The following DOCK3 variants were observed in gnomAD, a reference collection of about 807,000 sequenced individuals.
The protein encoded by DOCK3 is dedicator of cytokinesis protein 3.
DOCK3 carries 60 observed loss-of-function variants against 265.6 expected under a neutral mutation model. The ratio of observed to expected loss-of-function variants is 0.23; its 90% confidence interval spans 0.18 to 0.28. The LOEUF (loss-of-function observed/expected upper bound fraction) is 0.28, where lower values mean the gene tolerates loss of function less well. Among genes scored for constraint, DOCK3 ranks in the 10% least tolerant of loss-of-function variants. DOCK3 has a pLI of 1.00. For synonymous variants in DOCK3, 881 were observed against 938.0 expected (o/e 0.94, Z 1.11); for missense variants, 1,981 against 2,594.3 (o/e 0.76, Z 5.14).
intron 1 of DOCK3, among the ~76,000 whole-genome samples, chr3:50,679,476 C>G (rs2034233194): frequency 6.6e-6 from 1 of 151,916 alleles, no homozygotes; most frequent in Non-Finnish European, 1.5e-5. Context: ...TTAGGTTTCT[C>G]CAGATAGGGA....
At chr3:50,957,640 G>T (rs1320928919) in intron 5 of DOCK3, among the ~76,000 whole-genome samples, 1 of 152,136 alleles carries the variant, frequency 6.6e-6, no homozygotes, top group Non-Finnish European at 1.5e-5. Flanking sequence ...TTATTTAGGC[G>T]AATAAGATTT....
chr3:50,956,162 A>G (rs538926001), intron 5 of DOCK3, among the ~76,000 whole-genome samples: 1 of 152,216 alleles, frequency 6.6e-6, no homozygotes, highest in East Asian at 1.9e-4. Flanking sequence ...GCATTCTGCC[A>G]TATATCAAGT....
At chr3:50,821,272 G>C (rs575205638) in intron 2 of DOCK3, among the ~76,000 whole-genome samples, 113 of 151,242 alleles carry the variant, frequency 7.5e-4, no homozygotes, top group African/African-American at 2.7e-3. Context: ...ATGCCGAGAA[G>C]GTATTTCCTA....
At chr3:50,784,024 C>T (rs368748823) in intron 2 of DOCK3, among the ~76,000 whole-genome samples, 2 of 152,078 alleles carry the variant, frequency 1.3e-5, no homozygotes, top group African/African-American at 2.4e-5. Context: ...CCTGCCACCA[C>T]GCCTGGCTAA....
intron 12 of DOCK3, among the ~76,000 whole-genome samples, chr3:51,204,535 T>A (rs1313558559): frequency 6.8e-6 from 1 of 147,714 alleles, no homozygotes; most frequent in Non-Finnish European, 1.5e-5. Flanking sequence ...GGAGAGGATG[T>A]GGAGAAATAG....
intron 27 of DOCK3, among the ~76,000 whole-genome samples, chr3:51,285,997 G>A (rs952428644): frequency 2.6e-5 from 4 of 152,136 alleles, no homozygotes; most frequent in African/African-American, 7.2e-5. Flanking sequence ...GAAAGAAAAC[G>A]CATCCAAATA....
intron 2 of DOCK3, among the ~76,000 whole-genome samples, chr3:50,783,646 G>A (rs2042036730): frequency 6.6e-6 from 1 of 152,012 alleles, no homozygotes; most frequent in Non-Finnish European, 1.5e-5. Context: ...CCCACTTTGT[G>A]GATTATCTGT....
intron 5 of DOCK3, among the ~76,000 whole-genome samples, chr3:50,988,293 C>T (rs765201215): frequency 6.6e-6 from 1 of 152,160 alleles, no homozygotes; most frequent in Non-Finnish European, 1.5e-5. Context: ...TTAAGCAGGT[C>T]CCAGATCCCA....
intron 27 of DOCK3, among the ~76,000 whole-genome samples, chr3:51,289,782 C>G (rs1307253568): frequency 2.0e-5 from 3 of 152,230 alleles, no homozygotes; most frequent in East Asian, 1.9e-4. Flanking sequence ...TTTTTGCAAT[C>G]TACTCATCTG....
intron 5 of DOCK3, among the ~76,000 whole-genome samples, chr3:50,970,831 A>T (rs2077178720): frequency 7.8e-6 from 1 of 127,802 alleles, no homozygotes; most frequent in African/African-American, 3.0e-5. Flanking sequence ...GGGTCAAGTG[A>T]TCCTTCAGCC....
chr3:50,803,895 C>T (rs2043226087), intron 2 of DOCK3, among the ~76,000 whole-genome samples: 2 of 151,614 alleles, frequency 1.3e-5, no homozygotes, highest in East Asian at 2.0e-4. Flanking sequence ...TGTCCCCCAC[C>T]TCCTGGAGGG....
Position 51,175,315 on chromosome 3 carries a change from C to T in DOCK3, c.1037+14613C>T, listed in dbSNP as rs150382542. On this transcript the variant is annotated intron_variant, in intron 12 of 52. Transcript: ENST00000266037. ...TAAGTTTAGTGGTCCTGCCTCTAGA[C>T]AGGTGTGTCTCTCTTGAGTTACTGG... Among the ~76,000 whole-genome samples the T allele has an allele frequency of 9.8e-3, 1,492 of 152,226 alleles. 33 individuals carry two copies. The highest frequency in any genetic ancestry group is 0.032 in the African/African-American group (1,334 of 41,526).
chr3:51,254,681 G>A (rs1314531793), intron 22 of DOCK3, among the ~76,000 whole-genome samples: 1 of 152,128 alleles, frequency 6.6e-6, no homozygotes, highest in Non-Finnish European at 1.5e-5. Context: ...CAGAGACTAG[G>A]ATTGCAACCC....
Position 50,912,794 on chromosome 3 carries a change from C to T in DOCK3, c.219-21187C>T, listed in dbSNP as rs998565067. Reference sequence around the variant, plus strand: ...GATGTTCCCTTAAGTCTTAAGGGCTCCAGAGTCAGCGTGCAGTGAATCTTG... The same window carrying T: ...GATGTTCCCTTAAGTCTTAAGGGCTTCAGAGTCAGCGTGCAGTGAATCTTG... On this transcript the variant is annotated intron_variant, in intron 4 of 52. Transcript: ENST00000266037. Among the ~76,000 whole-genome samples the T allele has an allele frequency of 1.1e-4, 17 of 152,002 alleles. 1 individual carries two copies. Among genetic ancestry groups the T allele is most frequent in the African/African-American group, 4.1e-4 (17 of 41,322 alleles).
chr3:51,230,825 A>T (rs1268824450), intron 19 of DOCK3, among the ~76,000 whole-genome samples: 1 of 151,826 alleles, frequency 6.6e-6, no homozygotes, highest in Non-Finnish European at 1.5e-5. Flanking sequence ...TATGTACCAC[A>T]TTTCCTTTAT....
At chr3:51,069,147 A>G (rs2081742760) in intron 6 of DOCK3, among the ~76,000 whole-genome samples, 1 of 152,212 alleles carries the variant, frequency 6.6e-6, no homozygotes, top group Non-Finnish European at 1.5e-5. Context: ...ATTAAATTGT[A>G]TCAGATAGAA....
At chr3:50,907,703 C>G (rs1006861404) in intron 4 of DOCK3, among the ~76,000 whole-genome samples, 1 of 151,998 alleles carries the variant, frequency 6.6e-6, no homozygotes, top group Non-Finnish European at 1.5e-5. Context: ...TTGACTCTAT[C>G]CAATTTGCCA....
In DOCK3 at chr3:51,294,392, CTCG is replaced by C. The variant is rs202138239; in HGVS notation, c.2922+14189_2922+14191del. On this transcript the variant is annotated intron_variant, in intron 27 of 52. Coordinates refer to ENST00000266037, the MANE Select transcript of DOCK3 (RefSeq NM_004947.5). ...CGTGTAGAATCTAAAAAAAATTGAACTCGAGGCTGGGCGCAGTAGCTCAAGCCT... is the reference window on the plus strand; with the variant it reads ...CGTGTAGAATCTAAAAAAAATTGAACAGGCTGGGCGCAGTAGCTCAAGCCT... Among the ~76,000 whole-genome samples the C allele has an allele frequency of 7.5e-3, 1,134 of 152,150 alleles. 13 individuals are homozygous for C. Among genetic ancestry groups the C allele is most frequent in the African/African-American group, 0.026 (1,090 of 41,508 alleles).
intron 1 of DOCK3, among the ~76,000 whole-genome samples, chr3:50,689,822 C>T (rs1200216000): frequency 6.6e-6 from 1 of 152,150 alleles, no homozygotes; most frequent in Non-Finnish European, 1.5e-5. Flanking sequence ...TGCTCACCTC[C>T]TGCTGTGTGG....
Sources: gnomAD v4.1 joint callset for allele counts (sites outside exome capture counted in the v4.1 genomes callset) on GRCh38, gnomAD v4.1.1 for gene constraint, MANE v1.5 for transcripts, NCBI Gene and HGNC (gene_info 2026-07-23, HGNC 2026-07-21) for gene names.